COL4A4: variants seen among roughly 807,000 people sequenced by gnomAD.
The protein encoded by COL4A4 is collagen alpha-4(IV) chain.
Under a neutral mutation model 192.9 loss-of-function variants are expected in COL4A4, and 105 were observed. The ratio of observed to expected loss-of-function variants is 0.54; its 90% CI spans 0.46 to 0.64. The LOEUF (loss-of-function observed/expected upper bound fraction) is 0.64, where lower values mean the gene tolerates loss of function less well. COL4A4 is among the 30% of genes least tolerant of loss of function. COL4A4 has a pLI of 0.00. For synonymous variants in COL4A4, 762 were observed against 769.9 expected, an observed-to-expected ratio of 0.99 and a Z score of 0.17; for missense variants, 1,967 against 2,169.3, an observed-to-expected ratio of 0.91 and a Z score of 1.85.
intron 35 of COL4A4, among the ~76,000 whole-genome samples, chr2:227,043,608 T>A (rs1019092020): frequency 3.3e-5 from 5 of 152,234 alleles, no homozygotes; most frequent in African/African-American, 9.6e-5. Flanking sequence ...ATAATGCTCT[T>A]TATATCTCTT....
rs574030269 is a variant in COL4A4, at chr2:227,022,073, A to G, written c.4191T>C (p.Pro1397=). 20 of 1,614,028 alleles carry G rather than the reference A, an allele frequency of 1.2e-5. No individual in the cohort carries two copies. In the African/African-American group the frequency reaches 2.5e-4, roughly 20 times the overall value. The change falls in exon 44 of 48, where the codon CCT becomes CCC. Residue 1397 remains proline, a synonymous_variant. Transcript: ENST00000396625. ...CTGGTCCTGAGGGGCCTCTCATTCCAGGGAGCCCCATGGCTCCTTCTGGTC... is the reference window on the plus strand; with the variant it reads ...CTGGTCCTGAGGGGCCTCTCATTCCGGGGAGCCCCATGGCTCCTTCTGGTC... ...MRGPEGAMGL[P]GMRGPSGPGC...
At chr2:227,091,918 GAAAGAAAGAAAAGA>G (rs1239717334) in intron 20 of COL4A4, among the ~76,000 whole-genome samples, 6 of 143,190 alleles carry the variant, frequency 4.2e-5, no homozygotes, top group African/African-American at 8.4e-5. Flanking sequence ...AAGAAAGAAA[GAAAGAAAGAAAAGA>G]AAAGAAAAGA....
At chr2:226,998,076 TTGTC>T (rs1005620788), downstream of COL4A4, 2 of 152,222 alleles carry the variant, frequency 1.3e-5, no homozygotes, top group Non-Finnish European at 2.9e-5. Context: ...AGCTCCCTGA[TTGTC>T]TGTTAAGCCC....
At chr2:227,129,612 T>A (rs935075818) in intron 4 of COL4A4, among the ~76,000 whole-genome samples, 2 of 152,144 alleles carry the variant, frequency 1.3e-5, no homozygotes, top group Non-Finnish European at 2.9e-5. Flanking sequence ...TTTTGCCATG[T>A]TGGCCAGGCT....
At chr2:227,116,673 G>C (rs1048871585) in intron 7 of COL4A4, among the ~76,000 whole-genome samples, 4 of 152,230 alleles carry the variant, frequency 2.6e-5, no homozygotes, top group Admixed American at 1.3e-4. Flanking sequence ...TAATGAGATT[G>C]TTGTCATTTG....
intron 7 of COL4A4, among the ~76,000 whole-genome samples, chr2:227,116,202 G>A (rs2061484388): frequency 6.6e-6 from 1 of 152,126 alleles, no homozygotes; most frequent in Non-Finnish European, 1.5e-5. Context: ...CAAAATCAGG[G>A]GTCTGGCATC....
chr2:227,027,793 G>C (rs763215079), intron 42 of COL4A4, 109 bp downstream of exon 42: 1 of 844,642 alleles, frequency 1.2e-6, no homozygotes, highest in Non-Finnish European at 2.1e-6. Context: ...TAAGAAAAGG[G>C]CTTAAATAAT....
chr2:226,982,952 T>C, the COL4A4 span, among the ~76,000 whole-genome samples: 1 of 152,230 alleles, frequency 6.6e-6, no homozygotes, highest in Admixed American at 6.5e-5. Context: ...GTTGCACTTT[T>C]ATCTTTTAAA....
chr2:227,122,931 C>T (rs776466024), intron 4 of COL4A4, among the ~76,000 whole-genome samples: 4 of 151,928 alleles, frequency 2.6e-5, no homozygotes, highest in Admixed American at 6.6e-5. Context: ...GTGGTGTGAT[C>T]GCGGCTCACT....
intron 4 of COL4A4, among the ~76,000 whole-genome samples, chr2:227,132,760 G>A (rs1453816721): frequency 6.6e-6 from 1 of 152,002 alleles, no homozygotes; most frequent in Non-Finnish European, 1.5e-5. Context: ...TGGCAACAGA[G>A]CAAGACTCTG....
intron 24 of COL4A4, among the ~76,000 whole-genome samples, chr2:227,078,645 T>G (rs977681712): frequency 1.3e-5 from 2 of 152,210 alleles, no homozygotes; most frequent in African/African-American, 4.8e-5. Context: ...AATAAGAGAT[T>G]TATGTCAAAC....
chr2:227,052,961 C>G (rs149540280), intron 31 of COL4A4, among the ~76,000 whole-genome samples: 2,646 of 152,186 alleles, frequency 0.017, 42 homozygotes, highest in South Asian at 0.04. Context: ...ACCAGCTTGA[C>G]GAGTGCCAGT....
chr2:226,991,870 C>T, the COL4A4 span, among the ~76,000 whole-genome samples: 29 of 152,314 alleles, frequency 1.9e-4, no homozygotes, highest in Non-Finnish European at 4.1e-4. Context: ...CAACTGGACA[C>T]TGCTGAAATG....
chr2:227,127,278 T>G (rs1464595346), intron 4 of COL4A4, among the ~76,000 whole-genome samples: 4 of 152,264 alleles, frequency 2.6e-5, no homozygotes, highest in Admixed American at 6.5e-5. Flanking sequence ...TGAGGAGACT[T>G]TGGCATGCCA....
At chr2:227,136,023 A>T (rs1442780713) in intron 4 of COL4A4, among the ~76,000 whole-genome samples, 1 of 152,154 alleles carries the variant, frequency 6.6e-6, no homozygotes, top group African/African-American at 2.4e-5. Context: ...AAGTACAAAA[A>T]ATGACCCCCA....
chr2:227,143,334 C>T (rs921501568), intron 3 of COL4A4, among the ~76,000 whole-genome samples: 1 of 152,168 alleles, frequency 6.6e-6, no homozygotes, highest in South Asian at 2.1e-4. Context: ...AGAATAAACA[C>T]GTATGACAAA....
intron 23 of COL4A4, among the ~76,000 whole-genome samples, chr2:227,081,749 TA>T (rs575728575): frequency 2.6e-5 from 4 of 152,132 alleles, no homozygotes; most frequent in Non-Finnish European, 4.4e-5. Context: ...ATAAATTACT[TA>T]AAAAAACGAT....
the COL4A4 span, among the ~76,000 whole-genome samples, chr2:226,979,984 G>A: frequency 4.6e-5 from 7 of 152,204 alleles, no homozygotes; most frequent in East Asian, 1.2e-3. Context: ...GGGACAGGAC[G>A]AGTGGAAGAG....
intron 1 of COL4A4, 130 bp from the exon 2 acceptor site, chr2:227,147,714 G>A: frequency 2.3e-6 from 1 of 443,504 alleles, no homozygotes; most frequent in Non-Finnish European, 4.1e-6. Flanking sequence ...TAGTGATGGT[G>A]AAACTGAATA....
Sources: allele counts gnomAD v4.1 joint callset (sites outside exome capture counted in the v4.1 genomes callset), GRCh38; gene constraint gnomAD v4.1.1; transcripts MANE v1.5; gene names NCBI Gene and HGNC (gene_info 2026-07-23, HGNC 2026-07-21).